The following ADAM33 variants were observed in gnomAD, a reference collection of about 807,000 sequenced individuals.
The protein encoded by ADAM33 is ADAM metallopeptidase domain 33.
A neutral mutation model predicts 106.2 loss-of-function variants in ADAM33; 103 were observed. The ratio of observed to expected loss-of-function variants is 0.97; its 90% CI spans 0.83 to 1.14. The LOEUF (loss-of-function observed/expected upper bound fraction) is 1.14. Ranked by LOEUF, ADAM33 falls within the 50% of genes most tolerant of loss-of-function variation. ADAM33 has a pLI of 0.00. For synonymous variants in ADAM33, 483 were observed against 453.0 expected (o/e 1.07, Z -0.84); for missense variants, 1,120 against 1,096.6 (o/e 1.02, Z -0.30).
At position 3,671,418 on chromosome 20, in the gene ADAM33, C is replaced by T; in HGVS notation, c.1983+1G>A. On this transcript the variant is annotated splice_donor_variant, in intron 17 of 21. Transcript: ENST00000356518. LOFTEE classifies it high-confidence loss of function. ...GTCACCCCCACTCCTCGGGCTCTCACCCCGTGGCTGTGGCAGGCAGTCAGG... is the reference window on the plus strand; with the variant it reads ...GTCACCCCCACTCCTCGGGCTCTCATCCCGTGGCTGTGGCAGGCAGTCAGG... The T allele has an allele frequency of 1.2e-6, 2 of 1,612,620 alleles. No individual in the cohort carries two copies. Among genetic ancestry groups the T allele is most frequent in the South Asian group, 1.1e-5 (1 of 91,016 alleles).
At chr20:3,680,964 G>T (rs1236052282) in intron 1 of ADAM33, among the ~76,000 whole-genome samples, 1 of 152,122 alleles carries the variant, frequency 6.6e-6, no homozygotes, top group African/African-American at 2.4e-5. Context: ...CCTCTCCCAG[G>T]GGTCCCATCA....
chr20:3,669,712 G>T (rs1600196787), intron 19 of ADAM33, 75 bp from the exon 20 acceptor site: 2 of 1,338,104 alleles, frequency 1.5e-6, no homozygotes. Flanking sequence ...GCAGCATGGT[G>T]TCCAGCCCAG....
In ADAM33 at chr20:3,674,058, C is replaced by G; in HGVS notation, c.738+6G>C. On this transcript the variant is annotated splice_donor_region_variant and intron_variant, in intron 8 of 21. Transcript: ENST00000356518. ...CCATCACCGCTCTCTCCCCGCCGCC[C>G]CCAACCTGGTCCACGTAGTTGGCGA... 4 of 1,614,120 alleles carry G rather than the reference C, an allele frequency of 2.5e-6. No homozygotes were observed. Among genetic ancestry groups the G allele is most frequent in the Non-Finnish European group, 3.4e-6 (4 of 1,180,016 alleles).
In ADAM33 at chr20:3,671,221, C is replaced by T; in HGVS notation, c.2092+16G>A. ...CACCACCCCAGCTCCTGCCCACATG[C>T]CCCCCACTGGCATACTTTCAGCCTG... On this transcript the variant is annotated intron_variant, in intron 18 of 21. Coordinates refer to ENST00000356518, the MANE Select transcript of ADAM33 (RefSeq NM_025220.5). 6.2e-7 allele frequency: 1 copy of T among 1,613,074 alleles called. No individual in the cohort carries two copies. Among genetic ancestry groups the T allele is most frequent in the Non-Finnish European group, 8.5e-7 (1 of 1,179,336 alleles).
intron 2 of ADAM33, 92 bp downstream of exon 2, chr20:3,679,400 C>T: frequency 7.3e-7 from 1 of 1,371,944 alleles, no homozygotes; most frequent in South Asian, 1.3e-5. Context: ...GTTCTGGGGA[C>T]CCCAGCAAAA....
At chr20:3,680,566 T>C (rs962441891) in intron 1 of ADAM33, among the ~76,000 whole-genome samples, 6 of 152,224 alleles carry the variant, frequency 3.9e-5, no homozygotes, top group South Asian at 4.2e-4. Context: ...ATCAGGCAGA[T>C]GAGGGCCGAG....
At chr20:3,679,620 G>A in intron 1 of ADAM33, 49 bp from the exon 2 acceptor site, 1 of 1,531,740 alleles carries the variant, frequency 6.5e-7, no homozygotes. Context: ...GGAACACAGG[G>A]GCATGGGACA....
At position 3,671,641 on chromosome 20, in the gene ADAM33, G is replaced by C. The variant is rs1600207865; in HGVS notation, c.1845C>G (p.Ala615=). 6.3e-7 allele frequency: 1 copy of C among 1,579,412 alleles called. No homozygotes were observed. The highest frequency in any genetic ancestry group is 2.3e-5 in the East Asian group (1 of 42,562). ...GGCCCAGGCCAAGCAGGTCCAGCTG[G>C]GCACTGGGGAGTGCCAAGGCTCCCC... ...TCRGALALPS[A]QLDLLGLGLV... is the part of the protein sequence containing the mutation. Residue 615 remains alanine (A), a synonymous_variant, in exon 16 of 22, where the codon GCC becomes GCG. Coordinates refer to ENST00000356518, the MANE Select transcript of ADAM33 (RefSeq NM_025220.5).
intron 19 of ADAM33, 51 bp from the exon 20 acceptor site, chr20:3,669,688 G>C (rs1434036441): frequency 6.7e-7 from 1 of 1,503,578 alleles, no homozygotes; most frequent in African/African-American, 1.4e-5. Flanking sequence ...TCCTGAGTGG[G>C]TTATTGCCTC....
chr20:3,673,113 G>T lies in ADAM33; in HGVS notation c.1134-215C>A, dbSNP rs191565034. 226 of 1,457,672 alleles carry T rather than the reference G, an allele frequency of 1.6e-4. 1 individual carries two copies. The highest frequency in any genetic ancestry group is 1.2e-3 in the Middle Eastern group (6 of 5,068). The allele number at this position is 1,457,672 out of a possible 1,614,324, so 90.3% of individuals were successfully genotyped here. A position where few individuals can be genotyped will look rare whatever the true frequency, so the allele number is the denominator to read the frequency against. On this transcript the variant is annotated intron_variant, in intron 11 of 21. Coordinates refer to ENST00000356518, the MANE Select transcript of ADAM33 (RefSeq NM_025220.5). The stretch of plus-strand genomic sequence containing the variant: ...CCCAAGGTGGAATCGCGACCCGACG[G>T]TGCTCCTCCCGGTGTAGGAGTAACC...
intron 3 of ADAM33, 28 bp downstream of exon 3, chr20:3,677,038 TC>T (rs772741480): frequency 6.2e-7 from 1 of 1,609,774 alleles, no homozygotes; most frequent in South Asian, 1.1e-5. Context: ...GATCCCCTCC[TC>T]CCAGCCCTAC....
At chr20:3,672,400 C>T in intron 13 of ADAM33, 71 bp from the exon 14 acceptor site, 4 of 1,579,970 alleles carry the variant, frequency 2.5e-6, no homozygotes, top group South Asian at 2.3e-5. Context: ...GCCGAGAGCG[C>T]GGCTCGGAGC....
rs746197089 is a variant in ADAM33 at position 3,674,195 on chromosome 20, C to T, written c.666+24G>A. The T allele has an allele frequency of 6.2e-6, 10 of 1,614,044 alleles. No individual in the cohort carries two copies. In the Admixed American group the frequency reaches 8.3e-5, roughly 13 times the overall value. On this transcript the variant is annotated intron_variant, in intron 7 of 21. Transcript: ENST00000356518. ...TGAGCTGGCCCCATCCCTGACCCCG[C>T]CAACCCCTGGGGTCTCTCCTCACCA...
In ADAM33 at chr20:3,674,488, G is replaced by C. The variant is rs2087803159; in HGVS notation, c.600+16C>G. 6.2e-7 allele frequency: 1 copy of C among 1,611,156 alleles called. No individual in the cohort carries two copies. The highest frequency in any genetic ancestry group is 1.7e-5 in the Admixed American group (1 of 59,446). ...AGATACAGCATTCCCACTCCCATCC[G>C]ATCGATGCCCCTGACCCTGCTCTGG... On this transcript the variant is annotated intron_variant, in intron 6 of 21. Transcript: ENST00000356518.
chr20:3,675,322 G>A lies in ADAM33; in HGVS notation c.255-217C>T, dbSNP rs621394. On this transcript the variant is annotated intron_variant, in intron 3 of 21. Transcript: ENST00000356518. This position sits in a 1 kb window ranked among gnomAD's most constrained non-coding sequence, Gnocchi z 4.1. ...CTTGGTGATGGCTTAGTTGTGGGAGGTGTGAATATGGGAAGCACCAGGGAG... is the reference window on the plus strand; with the variant it reads ...CTTGGTGATGGCTTAGTTGTGGGAGATGTGAATATGGGAAGCACCAGGGAG... Among the ~76,000 whole-genome samples the A allele has an allele frequency of 0.014, 2,156 of 152,288 alleles. 32 individuals carry two copies. Among genetic ancestry groups the A allele is most frequent in the African/African-American group, 0.036 (1,511 of 41,542 alleles).
At chr20:3,670,109 C>T (rs757776430) in intron 19 of ADAM33, 82 of 210,250 alleles carry the variant, frequency 3.9e-4, no homozygotes, top group Non-Finnish European at 6.2e-4. Flanking sequence ...CCTGAGACTC[C>T]CGCCTGGGGA....
In ADAM33 at chr20:3,674,894, C is replaced by T. The variant is rs745904114; in HGVS notation, c.334-45G>A. On this transcript the variant is annotated intron_variant, in intron 4 of 21. Coordinates refer to ENST00000356518, the MANE Select transcript of ADAM33 (RefSeq NM_025220.5). ...CCCCAAATCTCAGCCAGGGCTGGAG[C>T]AAGAGGGGCAAGAGGGAGGGTGTGG... The T allele has an allele frequency of 6.8e-6, 11 of 1,606,204 alleles. No homozygotes were observed. The East Asian group carries it at 2.0e-4, about 29-fold the overall frequency.
At chr20:3,679,603 G>A (rs1258685386) in intron 1 of ADAM33, 32 bp from the exon 2 acceptor site, 1 of 1,577,846 alleles carries the variant, frequency 6.3e-7, no homozygotes, top group Non-Finnish European at 8.6e-7. Flanking sequence ...GGGTGAGGGG[G>A]ACCTGAGGAA....
At position 3,673,821 on chromosome 20, in the gene ADAM33, C is replaced by T; in HGVS notation, c.829G>A (p.Ala277Thr). ...DRSRVTQDAN[A>T]TLWAFLQWRR... ...CACTGCAGGAAGGCCCAGAGCGTGGCGTTGGCGTCCTGCGTGACGCGGCTG... is the reference window on the plus strand; with the variant it reads ...CACTGCAGGAAGGCCCAGAGCGTGGTGTTGGCGTCCTGCGTGACGCGGCTG... Residue 277 changes from alanine to threonine, a missense_variant, in exon 9 of 22, where the codon GCC becomes ACC. Coordinates refer to ENST00000356518, the MANE Select transcript of ADAM33 (RefSeq NM_025220.5). 2 of 1,552,410 alleles carry T rather than the reference C, an allele frequency of 1.3e-6. No individual in the cohort carries two copies. The highest frequency in any genetic ancestry group is 1.2e-5 in the South Asian group (1 of 85,672).
Sources: gnomAD v4.1 joint callset for allele counts (sites outside exome capture counted in the v4.1 genomes callset) on GRCh38, gnomAD v4.1.1 for gene constraint, Gnocchi (gnomAD v3.1) non-coding constraint, MANE v1.5 for transcripts, NCBI Gene and HGNC (gene_info 2026-07-23, HGNC 2026-07-21) for gene names.